POU2F3: variants seen among roughly 807,000 people sequenced by gnomAD.
The protein encoded by POU2F3 is POU domain, class 2, transcription factor 3.
POU2F3 carries 23 observed loss-of-function variants against 59.2 expected under a neutral mutation model. The ratio of observed to expected loss-of-function variants is 0.39; its 90% CI spans 0.28 to 0.55. POU2F3 has a LOEUF of 0.55. Ranked by LOEUF, POU2F3 falls within the 20% of genes least tolerant of loss-of-function variation. POU2F3 has a pLI of 0.66. For synonymous variants in POU2F3, 190 were observed against 214.6 expected, an observed-to-expected ratio of 0.89 and a Z score of 1.00; for missense variants, 473 against 544.5, an observed-to-expected ratio of 0.87 and a Z score of 1.31.
chr11:120,266,216 T>A (rs1005202845), intron 2 of POU2F3, among the ~76,000 whole-genome samples: 2 of 152,116 alleles, frequency 1.3e-5, no homozygotes, highest in Non-Finnish European at 2.9e-5. Flanking sequence ...ACCCTAGGAA[T>A]CATCCTGGAT....
At chr11:120,253,386 T>C (rs570240907) in intron 2 of POU2F3, among the ~76,000 whole-genome samples, 5 of 152,020 alleles carry the variant, frequency 3.3e-5, no homozygotes, top group African/African-American at 1.2e-4. Context: ...CAGCCTCCCA[T>C]GTAGCTGGGA....
intron 4 of POU2F3, among the ~76,000 whole-genome samples, chr11:120,298,799 A>C (rs1941262629): frequency 6.6e-6 from 1 of 152,174 alleles, no homozygotes; most frequent in Non-Finnish European, 1.5e-5. Flanking sequence ...GGGAAGAAAG[A>C]GGCGTCTGAG....
chr11:120,308,996 A>G (rs956001760), intron 9 of POU2F3, among the ~76,000 whole-genome samples: 4 of 146,544 alleles, frequency 2.7e-5, no homozygotes, highest in Admixed American at 6.8e-5. Flanking sequence ...AGGGAGAAGG[A>G]CATCAGGTAA....
At chr11:120,261,902 C>A (rs1939615664) in intron 2 of POU2F3, among the ~76,000 whole-genome samples, 2 of 152,194 alleles carry the variant, frequency 1.3e-5, no homozygotes, top group Non-Finnish European at 2.9e-5. Flanking sequence ...AATAAGCAGC[C>A]TCCGCTTGAA....
At chr11:120,265,773 C>T (rs1402586901) in intron 2 of POU2F3, 5 of 152,302 alleles carry the variant, frequency 3.3e-5, no homozygotes, top group Admixed American at 1.3e-4. Flanking sequence ...TTATACAATG[C>T]TATTTTTCTC....
At chr11:120,245,329 C>T (rs1480364376) in intron 1 of POU2F3, among the ~76,000 whole-genome samples, 1 of 152,174 alleles carries the variant, frequency 6.6e-6, no homozygotes, top group African/African-American at 2.4e-5. Context: ...TGATCATCTC[C>T]AGACCTGGGC....
rs138990260 is a variant in POU2F3 at position 120,308,678 on chromosome 11, C to T, written c.907-747C>T. Among the ~76,000 whole-genome samples the T allele has an allele frequency of 9.3e-4, 142 of 152,050 alleles. 2 individuals carry two copies. The Middle Eastern group carries it at 0.024, about 25-fold the overall frequency. Reference sequence around the variant, plus strand: ...GCAGGCCAGGCATGGTGACTCATGCCTGTAATCCCAGCACTTTGGGAGGCC... The same window carrying T: ...GCAGGCCAGGCATGGTGACTCATGCTTGTAATCCCAGCACTTTGGGAGGCC... On this transcript the variant is annotated intron_variant, in intron 9 of 12. Coordinates refer to ENST00000543440, the MANE Select transcript of POU2F3 (RefSeq NM_014352.4).
intron 2 of POU2F3, among the ~76,000 whole-genome samples, chr11:120,262,053 C>G (rs1421646090): frequency 6.6e-6 from 1 of 152,230 alleles, no homozygotes; most frequent in African/African-American, 2.4e-5. Flanking sequence ...GAGCTGTAGG[C>G]TAAGCCTGCT....
chr11:120,240,128 G>A (rs1456874181), upstream of POU2F3: 1 of 1,177,142 alleles, frequency 8.5e-7, no homozygotes, highest in African/African-American at 1.6e-5. Context: ...CGCGCCGCGT[G>A]CTCACCTGGG....
chr11:120,303,755 C>T (rs553881575), intron 6 of POU2F3: 1 of 152,254 alleles, frequency 6.6e-6, no homozygotes, highest in South Asian at 2.1e-4. Flanking sequence ...CTCTAGAGGT[C>T]CTTTTACCTT....
chr11:120,260,762 CA>C (rs1275457798), intron 2 of POU2F3, among the ~76,000 whole-genome samples: 1 of 152,138 alleles, frequency 6.6e-6, no homozygotes, highest in Non-Finnish European at 1.5e-5. Flanking sequence ...AGTCCTCAGA[CA>C]TTCTCCGAGT....
chr11:120,262,401 A>T (rs1407551360), intron 2 of POU2F3, among the ~76,000 whole-genome samples: 2 of 152,182 alleles, frequency 1.3e-5, no homozygotes, highest in African/African-American at 4.8e-5. Context: ...GCCCCCAAGC[A>T]CTCATCACCC....
upstream of POU2F3, chr11:120,236,817 A>G (rs2135106114): frequency 5.4e-6 from 6 of 1,119,988 alleles, no homozygotes; most frequent in South Asian, 1.3e-5. Flanking sequence ...TCAACCCTAT[A>G]CACAGGTGGG....
At position 120,255,702 on chromosome 11, in the gene POU2F3, G is replaced by T. The variant is rs530055254; in HGVS notation, c.97+9185G>T. Among the ~76,000 whole-genome samples the T allele has an allele frequency of 4.6e-5, 7 of 152,216 alleles. No individual in the cohort carries two copies. The South Asian group carries it at 1.5e-3, about 32-fold the overall frequency. On this transcript the variant is annotated intron_variant, in intron 2 of 12. Transcript: ENST00000543440. ...CCCTGGAGAGCTGGGGGTGGTTGGA[G>T]GAGTCGGCGCTGGGCTGGGTGTTAT... is the stretch of plus-strand genomic sequence containing the variant.
intron 3 of POU2F3, among the ~76,000 whole-genome samples, chr11:120,281,121 C>T (rs1159044884): frequency 6.6e-6 from 1 of 152,092 alleles, no homozygotes; most frequent in Non-Finnish European, 1.5e-5. Context: ...GCTTCCTTCC[C>T]CCTAGTCTGA....
At chr11:120,292,827 G>T (rs530850367) in intron 3 of POU2F3, among the ~76,000 whole-genome samples, 2 of 152,224 alleles carry the variant, frequency 1.3e-5, no homozygotes, top group African/African-American at 4.8e-5. Flanking sequence ...AGGGCACAGC[G>T]CCCTCCCAAC....
intron 3 of POU2F3, among the ~76,000 whole-genome samples, chr11:120,273,979 C>T (rs529038223): frequency 6.6e-6 from 1 of 150,800 alleles, no homozygotes; most frequent in Admixed American, 6.6e-5. Flanking sequence ...GATCATGCCA[C>T]TGCACTCCAG....
chr11:120,279,123 C>G (rs1195285752), intron 3 of POU2F3, among the ~76,000 whole-genome samples: 8 of 151,998 alleles, frequency 5.3e-5, no homozygotes, highest in Non-Finnish European at 4.4e-5. Context: ...CCCATCATAA[C>G]ACTGTTCACA....
intron 10 of POU2F3, among the ~76,000 whole-genome samples, chr11:120,314,952 T>G (rs1294544551): frequency 6.6e-6 from 1 of 152,138 alleles, no homozygotes; most frequent in African/African-American, 2.4e-5. Context: ...AAAAGCAGGG[T>G]TCTTTTAGGG....
Sources: gnomAD v4.1 joint callset for allele counts (sites outside exome capture counted in the v4.1 genomes callset) on GRCh38, gnomAD v4.1.1 for gene constraint, MANE v1.5 for transcripts, NCBI Gene and HGNC (gene_info 2026-07-23, HGNC 2026-07-21) for gene names.